The following RCL1 variants were observed in gnomAD, a reference collection of about 807,000 sequenced individuals.
RCL1 encodes RNA 3'-terminal phosphate cyclase-like protein.
In RCL1, 24 loss-of-function variants were observed where a neutral mutation model predicts 42.4. The ratio of observed to expected loss-of-function variants is 0.57; its 90% CI spans 0.41 to 0.80. The LOEUF is 0.80. Ranked by LOEUF, RCL1 falls within the 30% of genes least tolerant of loss-of-function variation. The pLI, the probability that RCL1 is intolerant of heterozygous loss-of-function variation, is 0.00. For synonymous variants in RCL1, 228 were observed against 177.3 expected (o/e 1.29, Z -2.27); for missense variants, 578 against 467.9 (o/e 1.24, Z -2.17).
chr9:4,807,811 G>A (rs914249288), intron 1 of RCL1, among the ~76,000 whole-genome samples: 18 of 152,174 alleles, frequency 1.2e-4, no homozygotes, highest in African/African-American at 3.9e-4. Context: ...GAGCCCCCGC[G>A]CCTGGCAGCT....
At chr9:4,848,685 A>G (rs1817603036) in intron 7 of RCL1, among the ~76,000 whole-genome samples, 1 of 152,244 alleles carries the variant, frequency 6.6e-6, no homozygotes, top group African/African-American at 2.4e-5. Context: ...TAGTGGAGGC[A>G]AAACAGTTAA....
Position 4,830,505 on chromosome 9 carries a change from A to G in RCL1, c.385-2649A>G, listed in dbSNP as rs1467346527. Among the ~76,000 whole-genome samples, 3 of 152,322 alleles carry G rather than the reference A, an allele frequency of 2.0e-5. No individual in the cohort carries two copies. The South Asian group carries it at 6.2e-4, about 32-fold the overall frequency. On this transcript the variant is annotated intron_variant, in intron 3 of 8. Transcript: ENST00000381750. ...GAATAGAAAGTGGGGAGAAATTTTA[A>G]AGAGAAGTTTTAGAAGGTCTCCTGA... is the stretch of plus-strand genomic sequence containing the variant.
intron 8 of RCL1, among the ~76,000 whole-genome samples, chr9:4,851,152 C>T (rs912269011): frequency 6.6e-6 from 1 of 152,174 alleles, no homozygotes; most frequent in African/African-American, 2.4e-5. Flanking sequence ...CTCTTCAACA[C>T]ATCTTCTCAC....
intron 1 of RCL1, among the ~76,000 whole-genome samples, chr9:4,805,164 G>C (rs2130972961): frequency 6.6e-6 from 1 of 152,260 alleles, no homozygotes; most frequent in Admixed American, 6.5e-5. Flanking sequence ...TCCAGCCTGG[G>C]CAATGTGGTG....
intron 1 of RCL1, among the ~76,000 whole-genome samples, chr9:4,823,072 A>G (rs565230985): frequency 1.0e-3 from 153 of 152,250 alleles, no homozygotes; most frequent in African/African-American, 3.6e-3. Context: ...AGAGATAGTG[A>G]TCTCTTACTG....
rs192894522 is a variant in RCL1, at chr9:4,829,063, G to A, written c.384+2030G>A. On this transcript the variant is annotated intron_variant, in intron 3 of 8. Transcript: ENST00000381750. ...CTCTGTGTACAAGGATGAAATGAGT[G>A]ATTCTGTCCTTAACAAACTCCTAGT... 5.3e-5 allele frequency among the ~76,000 whole-genome samples: 8 copies of A among 152,344 alleles called. No individual in the cohort carries two copies. The East Asian group carries it at 1.3e-3, about 26-fold the overall frequency.
At chr9:4,850,385 T>C (rs1563857829) in intron 8 of RCL1, 2 of 529,164 alleles carry the variant, frequency 3.8e-6, no homozygotes, top group Non-Finnish European at 7.8e-6. Context: ...TGCCATCACA[T>C]TGAGAAAGGG....
At chr9:4,840,224 C>A (rs537998698) in intron 5 of RCL1, among the ~76,000 whole-genome samples, 34 of 152,334 alleles carry the variant, frequency 2.2e-4, no homozygotes, top group African/African-American at 7.9e-4. Flanking sequence ...ATGTTATTGT[C>A]AGCAGTTCTT....
intron 1 of RCL1, among the ~76,000 whole-genome samples, chr9:4,812,936 T>A (rs180832804): frequency 1.2e-4 from 19 of 152,358 alleles, no homozygotes; most frequent in Admixed American, 9.8e-4. Flanking sequence ...TTAGAACTAC[T>A]GAATTTGTTT....
At chr9:4,803,417 A>G (rs1224666891) in intron 1 of RCL1, among the ~76,000 whole-genome samples, 6 of 152,184 alleles carry the variant, frequency 3.9e-5, no homozygotes, top group Admixed American at 1.3e-4. Context: ...CTTATATCGT[A>G]TTAAAACACA....
chr9:4,796,841 T>C (rs150812632), intron 1 of RCL1, among the ~76,000 whole-genome samples: 1,525 of 152,328 alleles, frequency 0.01, 26 homozygotes, highest in Admixed American at 0.054. Flanking sequence ...AACATACAAG[T>C]ACAGGTGCCT....
chr9:4,800,586 G>A (rs143690109), intron 1 of RCL1, among the ~76,000 whole-genome samples: 1 of 151,854 alleles, frequency 6.6e-6, no homozygotes, highest in African/African-American at 2.4e-5. Context: ...TGCTCTTGCA[G>A]GGTTGTATGG....
chr9:4,831,771 G>T (rs1394414270), intron 3 of RCL1, among the ~76,000 whole-genome samples: 1 of 152,142 alleles, frequency 6.6e-6, no homozygotes, highest in East Asian at 1.9e-4. Flanking sequence ...ATGTTCTTAG[G>T]CCTCACAGGT....
intron 5 of RCL1, among the ~76,000 whole-genome samples, chr9:4,838,494 A>G (rs141922839): frequency 1.5e-4 from 23 of 152,306 alleles, no homozygotes; most frequent in African/African-American, 5.3e-4. Context: ...GTAAAGGGGG[A>G]TAAGTTGGAA....
At chr9:4,819,667 C>A (rs753327915) in intron 1 of RCL1, among the ~76,000 whole-genome samples, 1 of 152,084 alleles carries the variant, frequency 6.6e-6, no homozygotes, top group Non-Finnish European at 1.5e-5. Flanking sequence ...ATTAGCTGGG[C>A]GTGGTGGCAC....
intron 1 of RCL1, among the ~76,000 whole-genome samples, chr9:4,793,762 A>G (rs1842870901): frequency 6.6e-6 from 1 of 152,180 alleles, no homozygotes; most frequent in Non-Finnish European, 1.5e-5. Context: ...GGGTGTGGAT[A>G]AAGAAATTTT....
chr9:4,798,331 G>T (rs1256068689), intron 1 of RCL1, among the ~76,000 whole-genome samples: 2 of 152,174 alleles, frequency 1.3e-5, no homozygotes, highest in Non-Finnish European at 2.9e-5. Context: ...TTTAAAGTTG[G>T]AATAGCAGAA....
intron 1 of RCL1, among the ~76,000 whole-genome samples, chr9:4,802,957 A>G (rs1389031060): frequency 6.6e-6 from 1 of 151,852 alleles, no homozygotes; most frequent in East Asian, 1.9e-4. Flanking sequence ...AGTAGTTAGG[A>G]CTACAGGTGT....
chr9:4,826,342 C>T (rs1315090278), intron 2 of RCL1, among the ~76,000 whole-genome samples: 1 of 152,180 alleles, frequency 6.6e-6, no homozygotes, highest in Admixed American at 6.5e-5. Context: ...AGGCATGTCC[C>T]TGTATCAATA....
Sources: gnomAD v4.1 joint callset for allele counts (sites outside exome capture counted in the v4.1 genomes callset) on GRCh38, gnomAD v4.1.1 for gene constraint, MANE v1.5 for transcripts, NCBI Gene and HGNC (gene_info 2026-07-23, HGNC 2026-07-21) for gene names.